CACNB2: variants seen among roughly 807,000 people sequenced by gnomAD.
CACNB2 encodes calcium voltage-gated channel auxiliary subunit beta 2.
A neutral mutation model predicts 73.3 loss-of-function variants in CACNB2; 42 were observed. That is an observed-to-expected ratio of 0.57 (90% CI 0.45 to 0.74). The LOEUF is 0.74. Among genes scored for constraint, CACNB2 ranks in the 30% least tolerant of loss-of-function variants. The pLI, the probability that CACNB2 is intolerant of heterozygous loss-of-function variation, is 0.00. For synonymous variants in CACNB2, 348 were observed against 310.3 expected (o/e 1.12, Z -1.28); for missense variants, 940 against 853.0 (o/e 1.10, Z -1.27).
rs143250980 is a variant in CACNB2, at chr10:18,452,077, C to T, written c.334-46278C>T. On this transcript the variant is annotated intron_variant, in intron 3 of 13. Transcript: ENST00000324631. ...ATCTCCTATAAAAAGTTTGCATCTT[C>T]ATGAATTATTCCTATCTTAGTAAAT... Among the ~76,000 whole-genome samples the T allele has an allele frequency of 4.6e-3, 693 of 152,292 alleles. 6 individuals carry two copies. Among genetic ancestry groups the T allele is most frequent in the African/African-American group, 0.016 (661 of 41,566 alleles).
chr10:18,327,104 T>A (rs1352878590), intron 2 of CACNB2, among the ~76,000 whole-genome samples: 1 of 152,116 alleles, frequency 6.6e-6, no homozygotes, highest in Non-Finnish European at 1.5e-5. Flanking sequence ...TTCCATGATA[T>A]TAAAGAATGG....
At chr10:18,356,938 A>ATGTCTTTT (rs1436280481) in intron 2 of CACNB2, among the ~76,000 whole-genome samples, 2,926 of 94,144 alleles carry the variant, frequency 0.031, 521 homozygotes, top group Middle Eastern at 0.036. Flanking sequence ...CCCAGACTCA[A>ATGTCTTTT]TTTCTTTTTT....
At chr10:18,304,638 C>G (rs1226232723) in intron 2 of CACNB2, among the ~76,000 whole-genome samples, 1 of 152,128 alleles carries the variant, frequency 6.6e-6, no homozygotes. Flanking sequence ...CCAAAGGCAG[C>G]GAACACAACC....
intron 2 of CACNB2, among the ~76,000 whole-genome samples, chr10:18,358,089 A>G (rs550355497): frequency 1.3e-5 from 2 of 152,272 alleles, no homozygotes; most frequent in South Asian, 2.1e-4. Context: ...CATCCATTCA[A>G]TTGATTGATT....
In CACNB2 at chr10:18,508,236, T is replaced by G. The variant is rs146845911; in HGVS notation, c.670+1689T>G. ...TAGGAAGCAAATTAATTTCAAAAAC[T>G]ATCTACTTATAACTTGAAGCAAGCA... is the stretch of plus-strand genomic sequence containing the variant. On this transcript the variant is annotated intron_variant, in intron 6 of 13. Transcript: ENST00000324631. Among the ~76,000 whole-genome samples, 1,011 of 152,352 alleles carry G rather than the reference T, an allele frequency of 6.6e-3. 6 individuals are homozygous for G. Among genetic ancestry groups the G allele is most frequent in the Non-Finnish European group, 0.011 (728 of 68,034 alleles).
intron 2 of CACNB2, among the ~76,000 whole-genome samples, chr10:18,272,035 T>A (rs571166750): frequency 1.3e-5 from 2 of 152,224 alleles, no homozygotes; most frequent in East Asian, 3.9e-4. Context: ...CTTTCTTTTT[T>A]CTTTTTTTTT....
At chr10:18,434,739 G>C (rs1245450925) in intron 3 of CACNB2, among the ~76,000 whole-genome samples, 2 of 152,000 alleles carry the variant, frequency 1.3e-5, no homozygotes, top group African/African-American at 4.8e-5. Flanking sequence ...GCTTTTGCTT[G>C]TATAGCTTAT....
At chr10:18,470,712 A>G (rs889380232) in intron 3 of CACNB2, among the ~76,000 whole-genome samples, 21 of 152,230 alleles carry the variant, frequency 1.4e-4, no homozygotes, top group Admixed American at 8.5e-4. Context: ...ATTTTTCACA[A>G]GCACTTAGCT....
intron 2 of CACNB2, among the ~76,000 whole-genome samples, chr10:18,373,926 A>T (rs2042688979): frequency 6.6e-6 from 1 of 152,200 alleles, no homozygotes. Flanking sequence ...GTGTGGGAGG[A>T]AATCTTGAAG....
chr10:18,491,843 A>AAAG (rs1452409632), intron 3 of CACNB2, among the ~76,000 whole-genome samples: 1 of 144,766 alleles, frequency 6.9e-6, no homozygotes, highest in Non-Finnish European at 1.5e-5. Context: ...AAAAAAAAAA[A>AAAG]AAAAGCCTGA....
Position 18,463,889 on chromosome 10 carries a change from C to G in CACNB2, c.334-34466C>G, listed in dbSNP as rs138426308. 8.2e-3 allele frequency among the ~76,000 whole-genome samples: 1,255 copies of G among 152,222 alleles called. 7 individuals carry two copies. The highest frequency in any genetic ancestry group is 0.011 in the South Asian group (55 of 4,818). ...CATGCAGCCTCCTAGCTCTGCCCCC[C>G]TTCCCAGCCAGGCCTTTGACAAATG... On this transcript the variant is annotated intron_variant, in intron 3 of 13. Coordinates refer to ENST00000324631, the MANE Select transcript of CACNB2 (RefSeq NM_201596.3).
intron 10 of CACNB2, among the ~76,000 whole-genome samples, chr10:18,531,049 GT>G (rs2052972429): frequency 6.6e-6 from 1 of 152,122 alleles, no homozygotes; most frequent in Non-Finnish European, 1.5e-5. Flanking sequence ...AGTTTTGTGT[GT>G]AGTAATTATG....
chr10:18,501,913 G>C (rs967493957), intron 5 of CACNB2, among the ~76,000 whole-genome samples: 2 of 152,154 alleles, frequency 1.3e-5, no homozygotes, highest in Non-Finnish European at 2.9e-5. Context: ...TGTGTTTTGA[G>C]ACCTCCACCC....
chr10:18,431,379 T>G (rs531139651), intron 3 of CACNB2, among the ~76,000 whole-genome samples: 2 of 152,324 alleles, frequency 1.3e-5, no homozygotes, highest in South Asian at 4.1e-4. Flanking sequence ...ATGAATCTGC[T>G]TTTCTACTGA....
intron 3 of CACNB2, among the ~76,000 whole-genome samples, chr10:18,492,620 C>CAAAAAAAAA (rs371407084): frequency 2.7e-4 from 24 of 88,700 alleles, no homozygotes; most frequent in East Asian, 9.5e-4. Flanking sequence ...GACTCTGTCT[C>CAAAAAAAAA]AAAAAAAAAA....
chr10:18,357,427 C>T (rs1283694639), intron 2 of CACNB2, among the ~76,000 whole-genome samples: 1 of 152,152 alleles, frequency 6.6e-6, no homozygotes, highest in Non-Finnish European at 1.5e-5. Context: ...ATTATGCTGG[C>T]ATAACCACAC....
intron 2 of CACNB2, among the ~76,000 whole-genome samples, chr10:18,212,707 C>T (rs924913812): frequency 2.0e-5 from 3 of 152,112 alleles, no homozygotes; most frequent in Non-Finnish European, 4.4e-5. Flanking sequence ...TTTTACCCCA[C>T]CACAGATCTG....
intron 3 of CACNB2, among the ~76,000 whole-genome samples, chr10:18,415,154 G>C (rs747542107): frequency 6.6e-6 from 1 of 152,148 alleles, no homozygotes; most frequent in Non-Finnish European, 1.5e-5. Flanking sequence ...ACTGAGTAAT[G>C]TGGTAGCTAT....
chr10:18,248,928 A>G (rs1054456550), intron 2 of CACNB2, among the ~76,000 whole-genome samples: 2 of 152,172 alleles, frequency 1.3e-5, no homozygotes, highest in South Asian at 2.1e-4. Flanking sequence ...AGTGGGGGAA[A>G]AAGACCACTC....
Sources: allele counts gnomAD v4.1 joint callset (sites outside exome capture counted in the v4.1 genomes callset), GRCh38; gene constraint gnomAD v4.1.1; transcripts MANE v1.5; gene names NCBI Gene and HGNC (gene_info 2026-07-23, HGNC 2026-07-21).